Variants in SH3RF2 observed in about 807,000 individuals in gnomAD.
SH3RF2 encodes E3 ubiquitin-protein ligase SH3RF2.
SH3RF2 carries 43 observed loss-of-function variants against 59.0 expected under a neutral mutation model. The ratio of observed to expected loss-of-function variants is 0.73; its 90% CI spans 0.57 to 0.94. The LOEUF is 0.94. Among genes scored for constraint, SH3RF2 ranks in the 40% least tolerant of loss-of-function variants. The pLI, the probability that SH3RF2 is intolerant of heterozygous loss-of-function variation, is 0.00. For synonymous variants in SH3RF2, 391 were observed against 391.5 expected (o/e 1.00, Z 0.01); for missense variants, 930 against 940.1 (o/e 0.99, Z 0.14).
chr5:145,988,426 C>T (rs1488849280), intron 2 of SH3RF2, among the ~76,000 whole-genome samples: 1 of 152,012 alleles, frequency 6.6e-6, no homozygotes, highest in Non-Finnish European at 1.5e-5. Flanking sequence ...TCAGAATATG[C>T]AGGGTTTGGA....
At chr5:146,015,442 G>A (rs909093004) in intron 5 of SH3RF2, among the ~76,000 whole-genome samples, 3 of 151,978 alleles carry the variant, frequency 2.0e-5, no homozygotes, top group Non-Finnish European at 2.9e-5. Flanking sequence ...TATGCCCAAA[G>A]TTCTCCTTCA....
intron 5 of SH3RF2, among the ~76,000 whole-genome samples, chr5:146,022,582 A>G (rs543540393): frequency 3.5e-4 from 54 of 152,290 alleles, no homozygotes; most frequent in African/African-American, 1.2e-3. Context: ...ACACTAAAAA[A>G]TGAACAACAG....
chr5:146,024,238 A>T (rs1317942932), intron 5 of SH3RF2, among the ~76,000 whole-genome samples: 1 of 152,162 alleles, frequency 6.6e-6, no homozygotes, highest in African/African-American at 2.4e-5. Flanking sequence ...CTTCGCCAAC[A>T]CTTGTTTTAT....
intron 5 of SH3RF2, among the ~76,000 whole-genome samples, chr5:146,015,638 C>A (rs1010515817): frequency 2.6e-5 from 4 of 152,222 alleles, no homozygotes; most frequent in African/African-American, 7.2e-5. Flanking sequence ...AAGATTTAAC[C>A]AAGAGTCATT....
At position 145,981,089 on chromosome 5, in the gene SH3RF2, AT is replaced by A. The variant is rs571935512; in HGVS notation, c.379-18961del. Among the ~76,000 whole-genome samples the A allele has an allele frequency of 5.9e-5, 9 of 151,622 alleles. 1 individual carries two copies. Among genetic ancestry groups the A allele is most frequent in the African/African-American group, 1.7e-4 (7 of 41,326 alleles). On this transcript the variant is annotated intron_variant, in intron 2 of 9. Coordinates refer to ENST00000359120, the MANE Select transcript of SH3RF2 (RefSeq NM_152550.4). ...TGCAGTCAGTGTCTAAATTTCCTCAATTTTTTTTCTTTTTTCTTTTTTTGAG... is the reference window on the plus strand; with the variant it reads ...TGCAGTCAGTGTCTAAATTTCCTCAATTTTTTTCTTTTTTCTTTTTTTGAG...
intron 5 of SH3RF2, among the ~76,000 whole-genome samples, chr5:146,045,883 A>G (rs1363011539): frequency 6.6e-6 from 1 of 152,228 alleles, no homozygotes; most frequent in East Asian, 1.9e-4. Flanking sequence ...CCTATGTTTA[A>G]TCATATTAGG....
At chr5:145,962,251 G>A (rs1245185635) in intron 2 of SH3RF2, among the ~76,000 whole-genome samples, 1 of 152,126 alleles carries the variant, frequency 6.6e-6, no homozygotes, top group African/African-American at 2.4e-5. Context: ...CACATGGCCT[G>A]AGCAAAACTA....
chr5:146,008,507 A>C (rs1013977702), intron 4 of SH3RF2, among the ~76,000 whole-genome samples: 1 of 152,160 alleles, frequency 6.6e-6, no homozygotes, highest in Non-Finnish European at 1.5e-5. Flanking sequence ...TGGGGCCTCT[A>C]AGTCATTGTT....
chr5:146,049,298 G>A, intron 7 of SH3RF2, 53 bp downstream of exon 7: 1 of 1,545,496 alleles, frequency 6.5e-7, no homozygotes. Context: ...CTAGGCCAGG[G>A]GCCATCTGTG....
intron 5 of SH3RF2, among the ~76,000 whole-genome samples, chr5:146,023,198 CT>C (rs1011642613): frequency 6.6e-6 from 1 of 151,912 alleles, no homozygotes; most frequent in Non-Finnish European, 1.5e-5. Context: ...CCCATACATT[CT>C]TTTTTTCTTT....
chr5:145,974,449 G>C (rs964729622), intron 2 of SH3RF2, among the ~76,000 whole-genome samples: 3 of 152,110 alleles, frequency 2.0e-5, no homozygotes, highest in African/African-American at 7.2e-5. Context: ...TCCAAAGATG[G>C]ATAGGAAAGG....
chr5:146,046,813 G>A (rs1484318098), intron 5 of SH3RF2, among the ~76,000 whole-genome samples: 1 of 151,838 alleles, frequency 6.6e-6, no homozygotes, highest in Non-Finnish European at 1.5e-5. Context: ...ACCCAGGTTG[G>A]AGTGCAGTGG....
chr5:145,938,969 T>C (rs1477036820), intron 2 of SH3RF2, among the ~76,000 whole-genome samples: 1 of 152,212 alleles, frequency 6.6e-6, no homozygotes, highest in Non-Finnish European at 1.5e-5. Flanking sequence ...ACAGAGAAGA[T>C]ACACAGCAGG....
intron 5 of SH3RF2, among the ~76,000 whole-genome samples, chr5:146,047,054 G>A (rs1186521837): frequency 6.6e-6 from 1 of 152,084 alleles, no homozygotes; most frequent in Non-Finnish European, 1.5e-5. Flanking sequence ...ACTGAGCCCG[G>A]CCTTCCAGGA....
intron 2 of SH3RF2, among the ~76,000 whole-genome samples, chr5:145,951,050 G>A (rs1227682500): frequency 1.3e-5 from 2 of 152,284 alleles, no homozygotes; most frequent in East Asian, 3.9e-4. Context: ...TATAGAGTAT[G>A]CAGAAGATAC....
intron 2 of SH3RF2, among the ~76,000 whole-genome samples, chr5:145,975,689 C>T (rs566301281): frequency 5.9e-5 from 9 of 152,328 alleles, no homozygotes; most frequent in Admixed American, 1.3e-4. Flanking sequence ...AGCAATGAAC[C>T]GTGTTGAGTT....
At chr5:146,052,103 C>T (rs889770866) in intron 7 of SH3RF2, among the ~76,000 whole-genome samples, 8 of 152,156 alleles carry the variant, frequency 5.3e-5, no homozygotes, top group South Asian at 2.1e-4. Flanking sequence ...CCCATCCCCA[C>T]GACTAGGGCA....
chr5:146,080,200 C>T (rs1763400346), exon 10 of SH3RF2: 1 of 151,914 alleles, frequency 6.6e-6, no homozygotes, highest in Admixed American at 6.6e-5. Context: ...GAATAGTTTG[C>T]TAATGGTGAC....
Position 145,984,577 on chromosome 5 carries a change from T to C in SH3RF2, c.379-15481T>C, listed in dbSNP as rs542457676. Reference sequence around the variant, plus strand: ...GCAAATAACTTCTATAACTTACCCATCAGTGATCTTTCCCATTTCTTGGAG... The same window carrying C: ...GCAAATAACTTCTATAACTTACCCACCAGTGATCTTTCCCATTTCTTGGAG... On this transcript the variant is annotated intron_variant, in intron 2 of 9. Coordinates refer to ENST00000359120, the MANE Select transcript of SH3RF2 (RefSeq NM_152550.4). Among the ~76,000 whole-genome samples the C allele has an allele frequency of 7.9e-5, 12 of 152,314 alleles. No individual in the cohort carries two copies. The South Asian group carries it at 2.5e-3, about 32-fold the overall frequency.
Sources: gnomAD v4.1 joint callset for allele counts (sites outside exome capture counted in the v4.1 genomes callset) on GRCh38, gnomAD v4.1.1 for gene constraint, MANE v1.5 for transcripts, NCBI Gene and HGNC (gene_info 2026-07-23, HGNC 2026-07-21) for gene names.